Variants in KLRG2 observed in about 807,000 individuals in gnomAD.
KLRG2 encodes the protein killer cell lectin-like receptor subfamily G member 2.
In KLRG2, 39 loss-of-function variants were observed where a neutral mutation model predicts 35.4. The ratio of observed to expected loss-of-function variants is 1.10; its 90% CI spans 0.85 to 1.44. The LOEUF (loss-of-function observed/expected upper bound fraction) is 1.44. Among genes scored for constraint, KLRG2 ranks in the 40% most tolerant of loss-of-function variants. The probability of loss-of-function intolerance (pLI) is 0.00; values close to 1 mark genes in which losing one functional copy is unlikely to be tolerated. For missense variants in KLRG2, 632 were observed against 570.9 expected, an observed-to-expected ratio of 1.11 and a Z score of -1.09; for synonymous variants, 283 against 265.8, an observed-to-expected ratio of 1.06 and a Z score of -0.63.
chr7:139,483,033 T>C lies in KLRG2; in HGVS notation c.610A>G (p.Ser204Gly). 2 of 1,371,146 alleles carry C rather than the reference T, an allele frequency of 1.5e-6. No individual in the cohort carries two copies. Among genetic ancestry groups the C allele is most frequent in the Non-Finnish European group, 1.9e-6 (2 of 1,071,990 alleles). 84.9% of individuals were successfully genotyped at this position (1,371,146 alleles called of 1,614,324 possible). Residue 204 changes from serine (S) to glycine (G), a missense_variant, in exon 1 of 5, where the codon AGC (serine) becomes GGC (glycine). Transcript: ENST00000340940. Reference protein sequence around the residue: ...ESGCDAEGRASPAEGSAGSPG... With the variant: ...ESGCDAEGRAGPAEGSAGSPG... ...GAGCCGGCGCTTCCTTCCGCGGGGC[T>C]GGCCCGGCCCTCTGCGTCGCAGCCG...
intron 3 of KLRG2, among the ~76,000 whole-genome samples, chr7:139,456,908 A>G (rs1470863213): frequency 3.3e-5 from 5 of 150,768 alleles, no homozygotes; most frequent in Non-Finnish European, 7.4e-5. Flanking sequence ...AGGTCAACTC[A>G]GTGAAACTGC....
At chr7:139,436,561 T>TCTCC in the KLRG2 span, among the ~76,000 whole-genome samples, 3 of 152,014 alleles carry the variant, frequency 2.0e-5, no homozygotes, top group African/African-American at 2.4e-5. Flanking sequence ...GCCGCCATGA[T>TCTCC]AAAGCTGGCC....
At chr7:139,475,162 C>T (rs1248248626) in intron 3 of KLRG2, among the ~76,000 whole-genome samples, 1 of 152,184 alleles carries the variant, frequency 6.6e-6, no homozygotes, top group East Asian at 1.9e-4. Flanking sequence ...GAAGTCTCCA[C>T]AAAAGGCCCA....
intron 3 of KLRG2, among the ~76,000 whole-genome samples, chr7:139,460,020 G>C (rs1341617865): frequency 6.6e-6 from 1 of 152,142 alleles, no homozygotes; most frequent in African/African-American, 2.4e-5. Flanking sequence ...AAAGTGCTGG[G>C]ATTACAGGTG....
chr7:139,428,228 G>A, the KLRG2 span, among the ~76,000 whole-genome samples: 1 of 152,100 alleles, frequency 6.6e-6, no homozygotes, highest in East Asian at 1.9e-4. Context: ...CAAATAACAT[G>A]GTATATAGGA....
chr7:139,459,098 T>C (rs184702254), intron 3 of KLRG2, among the ~76,000 whole-genome samples: 1 of 152,372 alleles, frequency 6.6e-6, no homozygotes, highest in Non-Finnish European at 1.5e-5. Context: ...ATGATATGTT[T>C]TCTGCAGATT....
chr7:139,428,670 T>A, the KLRG2 span, among the ~76,000 whole-genome samples: 1 of 152,090 alleles, frequency 6.6e-6, no homozygotes, highest in Non-Finnish European at 1.5e-5. Flanking sequence ...GAGATGATAA[T>A]CAGTAAAAGG....
intron 3 of KLRG2, among the ~76,000 whole-genome samples, chr7:139,476,503 G>A (rs1346142059): frequency 6.6e-6 from 1 of 151,666 alleles, no homozygotes; most frequent in Non-Finnish European, 1.5e-5. Context: ...GAGCAGTGGC[G>A]CGATCTTGGC....
At chr7:139,472,512 G>A (rs1398132936) in intron 3 of KLRG2, among the ~76,000 whole-genome samples, 8 of 151,518 alleles carry the variant, frequency 5.3e-5, no homozygotes, top group African/African-American at 1.9e-4. Context: ...TGGGAGGTCA[G>A]GGCAGGAAGA....
At chr7:139,470,201 G>A (rs1266657796) in intron 3 of KLRG2, among the ~76,000 whole-genome samples, 3 of 151,914 alleles carry the variant, frequency 2.0e-5, no homozygotes, top group African/African-American at 7.3e-5. Flanking sequence ...GGGACTACAT[G>A]TGTGTGCCAC....
At chr7:139,469,152 T>C (rs1796715414) in intron 3 of KLRG2, among the ~76,000 whole-genome samples, 1 of 152,154 alleles carries the variant, frequency 6.6e-6, no homozygotes, top group Admixed American at 6.5e-5. Flanking sequence ...ACTAATACCA[T>C]AAGATTTGTT....
chr7:139,445,073 C>T, the KLRG2 span, among the ~76,000 whole-genome samples: 1 of 136,754 alleles, frequency 7.3e-6, no homozygotes, highest in Non-Finnish European at 1.5e-5. Context: ...TGGGCTGGCA[C>T]TATTTCTATT....
At chr7:139,450,099 G>A (rs893359813), downstream of KLRG2, among the ~76,000 whole-genome samples, 13 of 151,516 alleles carry the variant, frequency 8.6e-5, no homozygotes, top group African/African-American at 2.9e-4. Context: ...GTGGAGTGCA[G>A]TGTTGTAATC....
intron 1 of KLRG2, 123 bp from the exon 2 acceptor site, chr7:139,480,370 C>G: frequency 1.6e-6 from 1 of 607,486 alleles, no homozygotes; most frequent in Admixed American, 2.7e-5. Flanking sequence ...CCCCCTCAGC[C>G]TGGGATGCCA....
At chr7:139,427,899 G>A in the KLRG2 span, among the ~76,000 whole-genome samples, 1 of 152,174 alleles carries the variant, frequency 6.6e-6, no homozygotes, top group Admixed American at 6.5e-5. Context: ...GTTACTCGAA[G>A]GGACCATATT....
chr7:139,477,849 C>T lies in KLRG2; in HGVS notation c.1005+1778G>A, dbSNP rs571677891. Among the ~76,000 whole-genome samples the T allele has an allele frequency of 2.6e-5, 4 of 152,162 alleles. No individual in the cohort carries two copies. In the South Asian group the frequency reaches 8.3e-4, roughly 32 times the overall value. ...TCTCGGCTCACTGCAAGCTCCGCCT[C>T]CCAGGTTCATGCCATTCTCCTGCCT... On this transcript the variant is annotated intron_variant, in intron 3 of 4. Coordinates refer to ENST00000340940, the MANE Select transcript of KLRG2 (RefSeq NM_198508.4).
chr7:139,454,860 ATAAT>A (rs948843653), intron 3 of KLRG2, among the ~76,000 whole-genome samples: 2 of 132,940 alleles, frequency 1.5e-5, no homozygotes, highest in Admixed American at 7.9e-5. Flanking sequence ...AATAATAATA[ATAAT>A]AACACACGCA....
intron 3 of KLRG2, among the ~76,000 whole-genome samples, chr7:139,472,431 A>C (rs1796773117): frequency 6.6e-6 from 1 of 152,050 alleles, no homozygotes; most frequent in Middle Eastern, 3.2e-3. Flanking sequence ...AAAAAATAGA[A>C]AGAAAAAAGG....
At chr7:139,433,318 T>TG in the KLRG2 span, among the ~76,000 whole-genome samples, 10 of 145,004 alleles carry the variant, frequency 6.9e-5, no homozygotes, top group East Asian at 7.7e-4. Context: ...GTGGTTTTTT[T>TG]TTTGTTTGTT....
Sources: gnomAD v4.1 joint callset for allele counts (sites outside exome capture counted in the v4.1 genomes callset) on GRCh38, gnomAD v4.1.1 for gene constraint, MANE v1.5 for transcripts, NCBI Gene and HGNC (gene_info 2026-07-23, HGNC 2026-07-21) for gene names.